Variants in EPSTI1 observed in about 807,000 individuals in gnomAD.
EPSTI1 encodes the protein epithelial-stromal interaction protein 1.
A neutral mutation model predicts 49.9 loss-of-function variants in EPSTI1; 66 were observed. That is an observed-to-expected ratio of 1.32 (90% CI 1.08 to 1.62). The LOEUF is 1.62. Ranked by LOEUF, EPSTI1 falls within the 40% of genes most tolerant of loss-of-function variation. The probability of loss-of-function intolerance (pLI) is 0.00; values close to 1 mark genes in which losing one functional copy is unlikely to be tolerated. For synonymous variants in EPSTI1, 137 were observed against 130.7 expected (o/e 1.05, Z -0.33); for missense variants, 394 against 365.5 (o/e 1.08, Z -0.64).
intron 6 of EPSTI1, among the ~76,000 whole-genome samples, chr13:42,949,947 CATT>C (rs1251725465): frequency 6.6e-6 from 1 of 151,892 alleles, no homozygotes; most frequent in East Asian, 1.9e-4. Flanking sequence ...AAAATCCTAT[CATT>C]GTTTTTTAAA....
Position 42,911,264 on chromosome 13 carries a change from T to TGTGCGCGC in EPSTI1, c.741+6276_741+6277insGCGCGCAC, listed in dbSNP as rs549150890. The stretch of plus-strand genomic sequence containing the variant: ...GAGAGAGTGTGTGTGTGTGTGTGTG[T>TGTGCGCGC]GCGCGCGCACGCGCGCACACGTGTG... On this transcript the variant is annotated intron_variant, in intron 8 of 10. Coordinates refer to ENST00000313624, the MANE Select transcript of EPSTI1 (RefSeq NM_033255.5). Among the ~76,000 whole-genome samples the TGTGCGCGC allele has an allele frequency of 5.0e-3, 745 of 148,530 alleles. 2 individuals carry two copies. Among genetic ancestry groups the TGTGCGCGC allele is most frequent in the South Asian group, 0.015 (70 of 4,738 alleles).
At chr13:42,989,089 G>A (rs1202279171) in intron 1 of EPSTI1, among the ~76,000 whole-genome samples, 1 of 122,974 alleles carries the variant, frequency 8.1e-6, no homozygotes, top group South Asian at 2.7e-4. Context: ...TGTTACTCCT[G>A]GACTAAAGCA....
chr13:42,954,609 A>G (rs2039203420), intron 5 of EPSTI1, among the ~76,000 whole-genome samples: 1 of 152,170 alleles, frequency 6.6e-6, no homozygotes, highest in Non-Finnish European at 1.5e-5. Flanking sequence ...CCTGGAGATA[A>G]AGGCCTTCAT....
At position 42,959,342 on chromosome 13, in the gene EPSTI1, T is replaced by C. The variant is rs191939989; in HGVS notation, c.489+3913A>G. Among the ~76,000 whole-genome samples the C allele has an allele frequency of 9.1e-4, 139 of 152,344 alleles. 2 individuals carry two copies. The highest frequency in any genetic ancestry group is 3.1e-3 in the African/African-American group (130 of 41,574). On this transcript the variant is annotated intron_variant, in intron 5 of 10. Coordinates refer to ENST00000313624, the MANE Select transcript of EPSTI1 (RefSeq NM_033255.5). The stretch of plus-strand genomic sequence containing the variant: ...ACCAAGTCATCCACAAAGAAATGCA[T>C]GATGTAGGAGCCACATTTCTTGGAA...
intron 10 of EPSTI1, among the ~76,000 whole-genome samples, chr13:42,890,638 T>C (rs2037010626): frequency 6.6e-6 from 1 of 152,172 alleles, no homozygotes; most frequent in African/African-American, 2.4e-5. Flanking sequence ...ATATTTTTGG[T>C]TGGATCTTTT....
At chr13:42,928,753 A>C (rs1359588114) in intron 6 of EPSTI1, among the ~76,000 whole-genome samples, 2 of 152,216 alleles carry the variant, frequency 1.3e-5, no homozygotes, top group African/African-American at 2.4e-5. Context: ...TTCTGGCCAC[A>C]CAACTTGGCT....
At chr13:42,906,941 T>G (rs532229339) in intron 8 of EPSTI1, among the ~76,000 whole-genome samples, 13 of 152,358 alleles carry the variant, frequency 8.5e-5, no homozygotes, top group Middle Eastern at 3.4e-3. Context: ...ATCAGGGCAC[T>G]TAGTGTGTCC....
intron 6 of EPSTI1, among the ~76,000 whole-genome samples, chr13:42,953,007 T>C (rs7989411): frequency 0.83 from 125,962 of 152,064 alleles, 52,342 homozygotes; most frequent in East Asian, 0.94. Context: ...AACAATGGAG[T>C]GAGAGAACAG....
intron 6 of EPSTI1, among the ~76,000 whole-genome samples, chr13:42,940,463 A>G (rs2153425375): frequency 6.6e-6 from 1 of 152,292 alleles, no homozygotes; most frequent in South Asian, 2.1e-4. Context: ...CAGCTTGTCT[A>G]TTTTCCACAT....
At position 42,922,123 on chromosome 13, in the gene EPSTI1, TAAGA is replaced by T. The variant is rs1450382205; in HGVS notation, c.657+4209_657+4212del. Among the ~76,000 whole-genome samples the T allele has an allele frequency of 1.3e-5, 2 of 152,192 alleles. No homozygotes were observed. The highest frequency in any genetic ancestry group is 2.9e-5 in the Non-Finnish European group (2 of 68,036). On this transcript the variant is annotated intron_variant, in intron 7 of 10. Coordinates refer to ENST00000313624, the MANE Select transcript of EPSTI1 (RefSeq NM_033255.5). The surrounding 1 kb of genome is among the most constrained non-coding windows in gnomAD (Gnocchi z 4.8). ...GAAAGCTCAAATTACTGAATAATTA[TAAGA>T]ATGAGAGGAAGAAATGAGTTAATAA...
chr13:42,902,836 G>A (rs1384545451), intron 8 of EPSTI1, among the ~76,000 whole-genome samples: 1 of 152,060 alleles, frequency 6.6e-6, no homozygotes, highest in Non-Finnish European at 1.5e-5. Flanking sequence ...AAAGACCAGG[G>A]CTTACATTTT....
intron 9 of EPSTI1, among the ~76,000 whole-genome samples, chr13:42,899,482 C>T (rs1182482485): frequency 6.6e-6 from 1 of 152,132 alleles, no homozygotes; most frequent in Non-Finnish European, 1.5e-5. Flanking sequence ...ACCATCAGAA[C>T]AGGGAGCTTC....
At chr13:42,894,909 A>C in intron 10 of EPSTI1, 100 bp downstream of exon 10, 1 of 1,015,832 alleles carries the variant, frequency 9.8e-7, no homozygotes, top group Non-Finnish European at 1.4e-6. Flanking sequence ...AACAACAAAA[A>C]CGTAATATCT....
chr13:42,948,454 T>A (rs1163699633), intron 6 of EPSTI1, among the ~76,000 whole-genome samples: 2 of 81,970 alleles, frequency 2.4e-5, no homozygotes, highest in Non-Finnish European at 2.4e-5. Context: ...TGTTTGTTTG[T>A]TTTTTGTGTT....
intron 1 of EPSTI1, among the ~76,000 whole-genome samples, chr13:42,977,277 C>T (rs1278540760): frequency 2.6e-5 from 4 of 152,188 alleles, no homozygotes; most frequent in Non-Finnish European, 5.9e-5. Flanking sequence ...TATTCTTTAA[C>T]CAAAAGAGAT....
intron 6 of EPSTI1, among the ~76,000 whole-genome samples, chr13:42,952,226 G>T (rs887122636): frequency 6.6e-6 from 1 of 152,194 alleles, no homozygotes; most frequent in Non-Finnish European, 1.5e-5. Flanking sequence ...ACCTGTTTGG[G>T]TCCCCTTCCA....
At chr13:42,913,745 C>T (rs1438221466) in intron 8 of EPSTI1, among the ~76,000 whole-genome samples, 2 of 152,206 alleles carry the variant, frequency 1.3e-5, no homozygotes, top group African/African-American at 4.8e-5. Context: ...GAAATTATCA[C>T]AACGCCTAAT....
rs541953019 is a variant in EPSTI1, at chr13:42,947,266, G to C, written c.563+6682C>G. On this transcript the variant is annotated intron_variant, in intron 6 of 10. Transcript: ENST00000313624. ...TACCTGTACTTTTAACACATATCAG[G>C]CACTTCAGAACATCTAGAAGAAAGC... Among the ~76,000 whole-genome samples the C allele has an allele frequency of 8.0e-5, 12 of 150,420 alleles. No individual in the cohort carries two copies. The South Asian group carries it at 2.6e-3, about 32-fold the overall frequency.
chr13:42,954,029 T>A lies in EPSTI1; in HGVS notation c.490-8A>T. 1.2e-6 allele frequency: 2 copies of A among 1,607,674 alleles called. No individual in the cohort carries two copies. Among genetic ancestry groups the A allele is most frequent in the Non-Finnish European group, 1.7e-6 (2 of 1,177,300 alleles). ...CTCCTCCAGTTTATTGCTCTGAAAT[T>A]GCAAATATCAAAACATAACTTATTA... On this transcript the variant is annotated splice_region_variant and splice_polypyrimidine_tract_variant and intron_variant, in intron 5 of 10. Transcript: ENST00000313624.
Sources: allele counts gnomAD v4.1 joint callset (sites outside exome capture counted in the v4.1 genomes callset), GRCh38; gene constraint gnomAD v4.1.1; non-coding constraint Gnocchi (gnomAD v3.1); transcripts MANE v1.5; gene names NCBI Gene and HGNC (gene_info 2026-07-23, HGNC 2026-07-21).